PCNX4: variants seen among roughly 807,000 people sequenced by gnomAD.
PCNX4 encodes the protein pecanex-like protein 4.
PCNX4 carries 103 observed loss-of-function variants against 107.2 expected under a neutral mutation model. The ratio of observed to expected loss-of-function variants is 0.96; its 90% CI spans 0.82 to 1.13. The LOEUF (loss-of-function observed/expected upper bound fraction) is 1.13. PCNX4 is among the 50% of genes most tolerant of loss of function. The pLI, the probability that PCNX4 is intolerant of heterozygous loss-of-function variation, is 0.00. For missense variants in PCNX4, 1,528 were observed against 1,379.4 expected (o/e 1.11, Z -1.71); for synonymous variants, 541 against 481.7 (o/e 1.12, Z -1.61).
chr14:60,115,537 A>G (rs770431436), intron 4 of PCNX4, 76 bp downstream of exon 4: 7 of 1,458,816 alleles, frequency 4.8e-6, no homozygotes, highest in South Asian at 1.4e-5. Context: ...CTCAATTCCC[A>G]TATTTGTGTG....
chr14:60,143,990 C>G lies in PCNX4; in HGVS notation c.*9769C>G, dbSNP rs1276174332. The G allele has an allele frequency of 6.6e-6, 1 of 152,176 alleles. No homozygotes were observed. Among genetic ancestry groups the G allele is most frequent in the Non-Finnish European group, 1.5e-5 (1 of 68,036 alleles). The allele number at this position is 152,176 out of a possible 1,614,324, so 9.4% of individuals were successfully genotyped here. A position where few individuals can be genotyped will look rare whatever the true frequency, so the allele number is the denominator to read the frequency against. On this transcript the variant is annotated 3_prime_UTR_variant, in exon 11 of 11. Coordinates refer to ENST00000406854, the MANE Select transcript of PCNX4 (RefSeq NM_001330177.2). ...TAATCATGGCTTTACCCCTTACTAG[C>G]TTTGTGACCTTGACCTTGGAAAAGT...
At position 60,118,816 on chromosome 14, in the gene PCNX4, G is replaced by T. The variant is rs560125657; in HGVS notation, c.1942+124G>T. ...AGCATAACAACCATAACAATTTGAT[G>T]TGTAGGCAGAAAGACTAAATATGAA... On this transcript the variant is annotated intron_variant, in intron 7 of 10. Coordinates refer to ENST00000406854, the MANE Select transcript of PCNX4 (RefSeq NM_001330177.2). The T allele has an allele frequency of 4.2e-5, 45 of 1,071,172 alleles. No individual in the cohort carries two copies. In the Middle Eastern group the frequency reaches 9.8e-4, roughly 23 times the overall value. The allele number at this position is 1,071,172 out of a possible 1,614,324, so 66.4% of individuals were successfully genotyped here.
chr14:60,099,879 C>T (rs534212448), intron 1 of PCNX4, among the ~76,000 whole-genome samples: 8 of 151,828 alleles, frequency 5.3e-5, no homozygotes, highest in South Asian at 2.1e-4. Flanking sequence ...GCCTGGCCAA[C>T]GTAGTGAAAC....
At position 60,121,246 on chromosome 14, in the gene PCNX4, A is replaced by G; in HGVS notation, c.1993A>G (p.Met665Val). The change falls in exon 8 of 11, where the codon ATG becomes GTG. Residue 665 changes from methionine to valine, a missense_variant. By Grantham distance (21) the Met-to-Val change is conservative. Coordinates refer to ENST00000406854, the MANE Select transcript of PCNX4 (RefSeq NM_001330177.2). ...HYLGRFQDRL[M>V]WIMILECGYT... Reference sequence around the variant, plus strand: ...CTTGGGCCGTTTTCAGGATCGTTTAATGTGGATAATGATTCTGGAATGTGG... The same window carrying G: ...CTTGGGCCGTTTTCAGGATCGTTTAGTGTGGATAATGATTCTGGAATGTGG... The G allele has an allele frequency of 6.2e-7, 1 of 1,607,706 alleles. No homozygotes were observed. The highest frequency in any genetic ancestry group is 8.5e-7 in the Non-Finnish European group (1 of 1,177,136).
chr14:60,124,658 T>C lies in PCNX4; in HGVS notation c.2487T>C (p.Asp829=). 1 of 1,613,632 alleles carries C rather than the reference T, an allele frequency of 6.2e-7. No individual in the cohort carries two copies. Among genetic ancestry groups the C allele is most frequent in the Non-Finnish European group, 8.5e-7 (1 of 1,179,738 alleles). ...GGTCTGATGATAATATTTTTGATGATGAGCCAACTATCAAAAAAGTAATAG... is the reference window on the plus strand; with the variant it reads ...GGTCTGATGATAATATTTTTGATGACGAGCCAACTATCAAAAAAGTAATAG... ...NDWSDDNIFD[D]EPTIKKVIEE... Residue 829 remains aspartate, a synonymous_variant, in exon 9 of 11, where the codon GAT becomes GAC. Coordinates refer to ENST00000406854, the MANE Select transcript of PCNX4 (RefSeq NM_001330177.2).
At position 60,142,180 on chromosome 14, in the gene PCNX4, A is replaced by C. The variant is rs1222516266; in HGVS notation, c.*7959A>C. ...ACTCTCTTGATTGTGGTTATGGTTCACAAGTGTAGCCATATGGCAAAACTT... is the reference window on the plus strand; with the variant it reads ...ACTCTCTTGATTGTGGTTATGGTTCCCAAGTGTAGCCATATGGCAAAACTT... On this transcript the variant is annotated 3_prime_UTR_variant, in exon 11 of 11. Transcript: ENST00000406854. The surrounding 1 kb of genome is among the most constrained non-coding windows in gnomAD (Gnocchi z 4.7). The C allele has an allele frequency of 1.3e-5, 2 of 152,220 alleles. No homozygotes were observed. The highest frequency in any genetic ancestry group is 3.8e-4 in the East Asian group (2 of 5,198). 9.4% of individuals were successfully genotyped at this position (152,220 alleles called of 1,614,324 possible).
intron 1 of PCNX4, among the ~76,000 whole-genome samples, chr14:60,099,405 G>A (rs957596820): frequency 9.9e-5 from 15 of 152,146 alleles, no homozygotes; most frequent in African/African-American, 3.6e-4. Flanking sequence ...TAAACAAGCA[G>A]AAATTAGTTT....
rs927082294 is a variant in PCNX4 at position 60,139,605 on chromosome 14, A to G, written c.*5384A>G. The G allele has an allele frequency of 2.0e-5, 3 of 152,144 alleles. No individual in the cohort carries two copies. The highest frequency in any genetic ancestry group is 2.9e-5 in the Non-Finnish European group (2 of 67,976). The allele number at this position is 152,144 out of a possible 1,614,324, so 9.4% of individuals were successfully genotyped here. A position where few individuals can be genotyped will look rare whatever the true frequency, so the allele number is the denominator to read the frequency against. ...GGAATAATACTTTAAAACTTAACCT[A>G]ATTGGCATATATGAAACAGAATACC... On this transcript the variant is annotated 3_prime_UTR_variant, in exon 11 of 11. Transcript: ENST00000406854.
intron 2 of PCNX4, among the ~76,000 whole-genome samples, chr14:60,113,233 G>A (rs1178705229): frequency 6.6e-6 from 1 of 152,162 alleles, no homozygotes; most frequent in Admixed American, 6.5e-5. Context: ...ACATTAGTTG[G>A]CATAGTCCTG....
rs1404481625 is a variant in PCNX4 at position 60,147,527 on chromosome 14, T to C, written c.*13306T>C. 6.6e-6 allele frequency: 1 copy of C among 152,046 alleles called. No homozygotes were observed. The highest frequency in any genetic ancestry group is 2.4e-5 in the African/African-American group (1 of 41,404). 9.4% of individuals were successfully genotyped at this position (152,046 alleles called of 1,614,324 possible). A position where few individuals can be genotyped will look rare whatever the true frequency, so the allele number is the denominator to read the frequency against. ...TTTTATGTGTCAATTATAAAGAAAA[T>C]CTTTGATCATTAAGGAAGCTGAATA... On this transcript the variant is annotated 3_prime_UTR_variant, in exon 11 of 11. Coordinates refer to ENST00000406854, the MANE Select transcript of PCNX4 (RefSeq NM_001330177.2).
intron 3 of PCNX4, 27 bp from the exon 4 acceptor site, chr14:60,114,946 TA>T (rs1895814401): frequency 4.8e-6 from 7 of 1,459,770 alleles, no homozygotes; most frequent in South Asian, 2.5e-5. Flanking sequence ...TTCAAGTAAA[TA>T]TTTTTTTCTT....
In PCNX4 at chr14:60,124,199, C is replaced by T; in HGVS notation, c.2047-19C>T. The stretch of plus-strand genomic sequence containing the variant: ...TAATAAATGATTATAAACTCAAGTA[C>T]TTTTTATTTCTTCTTTAGGGGTTAG... On this transcript the variant is annotated intron_variant, in intron 8 of 10. Coordinates refer to ENST00000406854, the MANE Select transcript of PCNX4 (RefSeq NM_001330177.2). The T allele has an allele frequency of 6.6e-7, 1 of 1,507,504 alleles. No individual in the cohort carries two copies. The highest frequency in any genetic ancestry group is 8.9e-7 in the Non-Finnish European group (1 of 1,129,356). 93.4% of individuals were successfully genotyped at this position (1,507,504 alleles called of 1,614,324 possible).
intron 8 of PCNX4, among the ~76,000 whole-genome samples, chr14:60,123,203 C>G (rs1157862151): frequency 6.6e-6 from 1 of 152,092 alleles, no homozygotes; most frequent in Non-Finnish European, 1.5e-5. Context: ...CCTTTGTGCT[C>G]TGTGACATAT....
intron 1 of PCNX4, among the ~76,000 whole-genome samples, chr14:60,096,663 G>T (rs2140527073): frequency 6.6e-6 from 1 of 152,342 alleles, no homozygotes; most frequent in African/African-American, 2.4e-5. Flanking sequence ...CCAATGGGTG[G>T]CAAGCCATTC....
In PCNX4 at chr14:60,125,241, A is replaced by G; in HGVS notation, c.3070A>G (p.Lys1024Glu). The G allele has an allele frequency of 6.4e-7, 1 of 1,565,446 alleles. No homozygotes were observed. Among genetic ancestry groups the G allele is most frequent in the African/African-American group, 1.4e-5 (1 of 72,838 alleles). The change falls in exon 9 of 11, where the codon AAA (lysine) becomes GAA (glutamate). Residue 1024 changes from lysine (K) to glutamate (E), a missense_variant. Lys to Glu is a moderately conservative substitution (Grantham distance 56). Transcript: ENST00000406854. ...GCCAGAACTGTTTCAACTAGCACTG[A>G]AAGCATTCAGGTAATCCATTTTGAT... is the stretch of plus-strand genomic sequence containing the variant. ...EKPELFQLALKAFRYTLKLMI... is the reference protein window; with the variant it reads ...EKPELFQLALEAFRYTLKLMI...
rs1188004890 is a variant in PCNX4 at position 60,134,406 on chromosome 14, T to C, written c.*185T>C. On this transcript the variant is annotated 3_prime_UTR_variant, in exon 11 of 11. Transcript: ENST00000406854. ...GGTTCTAAAAAACAGCAAAAACATC[T>C]TTATGTCTAAGATAAAAGAACTATT... 1 of 652,080 alleles carries C rather than the reference T, an allele frequency of 1.5e-6. No homozygotes were observed. The highest frequency in any genetic ancestry group is 2.5e-6 in the Non-Finnish European group (1 of 396,222). 40.4% of individuals were successfully genotyped at this position (652,080 alleles called of 1,614,324 possible). A position where few individuals can be genotyped will look rare whatever the true frequency, so the allele number is the denominator to read the frequency against.
intron 10 of PCNX4, among the ~76,000 whole-genome samples, chr14:60,126,989 T>C (rs1896066915): frequency 6.6e-6 from 1 of 152,184 alleles, no homozygotes; most frequent in Non-Finnish European, 1.5e-5. Context: ...GAACTCTGGC[T>C]CAGAGATTTT....
rs1405168384 is a variant in PCNX4, at chr14:60,146,865, A to G, written c.*12644A>G. 1 of 152,238 alleles carries G rather than the reference A, an allele frequency of 6.6e-6. No homozygotes were observed. The highest frequency in any genetic ancestry group is 2.4e-5 in the African/African-American group (1 of 41,456). The allele number at this position is 152,238 out of a possible 1,614,324, so 9.4% of individuals were successfully genotyped here. On this transcript the variant is annotated 3_prime_UTR_variant, in exon 11 of 11. Coordinates refer to ENST00000406854, the MANE Select transcript of PCNX4 (RefSeq NM_001330177.2). The surrounding 1 kb of genome is among the most constrained non-coding windows in gnomAD (Gnocchi z 4.9). ...TCACTTCTGTGGAATCTAAAAAGTC[A>G]TACTCAAAAGCAGAGTAGAATGATG...
chr14:60,121,840 C>G (rs1360864023), intron 8 of PCNX4, among the ~76,000 whole-genome samples: 4 of 152,134 alleles, frequency 2.6e-5, no homozygotes, highest in African/African-American at 9.7e-5. Flanking sequence ...TTGCTAAGTC[C>G]AGTGATCAAC....
Sources: allele counts gnomAD v4.1 joint callset (sites outside exome capture counted in the v4.1 genomes callset), GRCh38; gene constraint gnomAD v4.1.1; non-coding constraint Gnocchi (gnomAD v3.1); transcripts MANE v1.5; gene names NCBI Gene and HGNC (gene_info 2026-07-23, HGNC 2026-07-21).